The following CHMP3 variants were observed in gnomAD, a reference collection of about 807,000 sequenced individuals.
CHMP3 encodes the protein 25.1 protein.
Under a neutral mutation model 27.4 loss-of-function variants are expected in CHMP3, and 8 were observed. The ratio of observed to expected loss-of-function variants is 0.29; its 90% CI spans 0.17 to 0.53. The LOEUF (loss-of-function observed/expected upper bound fraction) is 0.53, where lower values mean the gene tolerates loss of function less well. CHMP3 is among the 20% of genes least tolerant of loss of function. The probability of loss-of-function intolerance (pLI) is 0.96; values close to 1 mark genes in which losing one functional copy is unlikely to be tolerated. For synonymous variants in CHMP3, 86 were observed against 85.5 expected (o/e 1.01, Z -0.03); for missense variants, 208 against 271.5 (o/e 0.77, Z 1.64).
intron 3 of CHMP3, among the ~76,000 whole-genome samples, chr2:86,513,887 T>TA (rs981407773): frequency 1.8e-4 from 27 of 152,216 alleles, no homozygotes; most frequent in African/African-American, 6.5e-4. Context: ...ACATATGACT[T>TA]AGACTAGAGA....
At chr2:86,515,949 A>G (rs911751438) in intron 3 of CHMP3, among the ~76,000 whole-genome samples, 1 of 151,826 alleles carries the variant, frequency 6.6e-6, no homozygotes, top group African/African-American at 2.4e-5. Flanking sequence ...CGAGGTCAGG[A>G]GATCCAGGCC....
intron 3 of CHMP3, among the ~76,000 whole-genome samples, chr2:86,514,242 C>T (rs1457734733): frequency 6.6e-6 from 1 of 152,170 alleles, no homozygotes; most frequent in Non-Finnish European, 1.5e-5. Flanking sequence ...GGCCTAGTTC[C>T]ACAATTCTGT....
chr2:86,505,663 A>G lies in CHMP3; in HGVS notation c.*141T>C. ...ATAAGAACAATCCCTTTGCGATCCC[A>G]AAACCTGGGCAGAGAATGAAAAGAG... is the stretch of plus-strand genomic sequence containing the variant. On this transcript the variant is annotated 3_prime_UTR_variant, in exon 6 of 6. Transcript: ENST00000263856. 1 of 1,223,118 alleles carries G rather than the reference A, an allele frequency of 8.2e-7. No homozygotes were observed. Among genetic ancestry groups the G allele is most frequent in the Non-Finnish European group, 1.1e-6 (1 of 944,962 alleles). 75.8% of individuals were successfully genotyped at this position (1,223,118 alleles called of 1,614,324 possible). A position where few individuals can be genotyped will look rare whatever the true frequency, so the allele number is the denominator to read the frequency against.
chr2:86,543,504 A>C (rs371083369), intron 1 of CHMP3, among the ~76,000 whole-genome samples: 17 of 152,344 alleles, frequency 1.1e-4, no homozygotes, highest in African/African-American at 4.1e-4. Context: ...CACAAAAAAT[A>C]CTTCCACAAG....
In CHMP3 at chr2:86,536,297, C is replaced by A. The variant is rs566720755; in HGVS notation, c.106+5955G>T. ...ACAGGCGTGAGCCACCACGCCCGGC[C>A]TAAACCTTTCTAATTGTCCATGAAT... On this transcript the variant is annotated intron_variant, in intron 2 of 5. Transcript: ENST00000263856. 3.9e-5 allele frequency among the ~76,000 whole-genome samples: 6 copies of A among 152,232 alleles called. No homozygotes were observed. The East Asian group carries it at 1.2e-3, about 29-fold the overall frequency.
chr2:86,547,984 A>G (rs1676677557), intron 1 of CHMP3, among the ~76,000 whole-genome samples: 1 of 152,176 alleles, frequency 6.6e-6, no homozygotes. Flanking sequence ...TAACACCATT[A>G]AGAGGTTATT....
chr2:86,552,379 CTAA>C (rs1296534034), intron 1 of CHMP3, among the ~76,000 whole-genome samples: 1 of 152,076 alleles, frequency 6.6e-6, no homozygotes, highest in African/African-American at 2.4e-5. Flanking sequence ...ATAGCCCCAG[CTAA>C]TAAGGGACAG....
intron 3 of CHMP3, chr2:86,510,956 T>C (rs1355504051): frequency 1.3e-5 from 2 of 155,354 alleles, no homozygotes. Context: ...CTAGGACAGA[T>C]ACAGTGAATA....
intron 2 of CHMP3, among the ~76,000 whole-genome samples, chr2:86,536,565 TA>T (rs1405230364): frequency 5.3e-5 from 8 of 152,210 alleles, no homozygotes; most frequent in Admixed American, 5.2e-4. Flanking sequence ...AGAAATCTTC[TA>T]AAATCTTACG....
At chr2:86,540,270 A>G (rs1391750958) in intron 2 of CHMP3, among the ~76,000 whole-genome samples, 4 of 152,126 alleles carry the variant, frequency 2.6e-5, no homozygotes, top group Non-Finnish European at 5.9e-5. Flanking sequence ...ACAATTTCAT[A>G]TGATCCTTCC....
chr2:86,549,124 G>GA (rs1469557105), intron 1 of CHMP3, among the ~76,000 whole-genome samples: 1 of 149,834 alleles, frequency 6.7e-6, no homozygotes, highest in Non-Finnish European at 1.5e-5. Context: ...GGGCGGCCGG[G>GA]AAGAGGCGCC....
intron 1 of CHMP3, among the ~76,000 whole-genome samples, chr2:86,549,456 CGGGCAGAGGCGCTCCTCACT>C: frequency 7.8e-6 from 1 of 127,662 alleles, no homozygotes; most frequent in African/African-American, 3.0e-5. Context: ...ATGGGGTGGC[CGGGCAGAGGCGCTCCTCACT>C]TCCCAGACGG....
chr2:86,511,738 A>G (rs952490882), intron 3 of CHMP3: 3 of 152,114 alleles, frequency 2.0e-5, no homozygotes, highest in Admixed American at 6.5e-5. Flanking sequence ...TATACATATT[A>G]TAAGTTGTAT....
chr2:86,508,040 C>T (rs999166978), intron 4 of CHMP3, among the ~76,000 whole-genome samples: 2 of 152,132 alleles, frequency 1.3e-5, no homozygotes, highest in African/African-American at 4.8e-5. Flanking sequence ...ATGCCAACAG[C>T]AGGGTAAAAG....
chr2:86,528,947 C>T (rs1675813044), intron 3 of CHMP3, among the ~76,000 whole-genome samples: 1 of 152,218 alleles, frequency 6.6e-6, no homozygotes. Context: ...CTTACTCCTA[C>T]AACTCAATTC....
rs972324839 is a variant in CHMP3 at position 86,535,113 on chromosome 2, T to G, written c.107-5716A>C. 2.6e-5 allele frequency among the ~76,000 whole-genome samples: 4 copies of G among 152,130 alleles called. No homozygotes were observed. The South Asian group carries it at 8.3e-4, about 32-fold the overall frequency. On this transcript the variant is annotated intron_variant, in intron 2 of 5. Transcript: ENST00000263856. Reference sequence around the variant, plus strand: ...CTCTACAAAAAATATAAAAATTAGCTGGTGCAGTGGCATGCATCTATAGTC... The same window carrying G: ...CTCTACAAAAAATATAAAAATTAGCGGGTGCAGTGGCATGCATCTATAGTC...
At chr2:86,508,776 G>A (rs549427049) in intron 4 of CHMP3, among the ~76,000 whole-genome samples, 5 of 152,110 alleles carry the variant, frequency 3.3e-5, no homozygotes, top group Admixed American at 6.5e-5. Flanking sequence ...CCTCAGATCC[G>A]TTCTTCCCAA....
chr2:86,541,654 GT>G (rs1451491440), intron 2 of CHMP3, among the ~76,000 whole-genome samples: 1 of 152,062 alleles, frequency 6.6e-6, no homozygotes, highest in Non-Finnish European at 1.5e-5. Context: ...TTTTTGTCCA[GT>G]TTTTTTCTCT....
intron 1 of CHMP3, among the ~76,000 whole-genome samples, chr2:86,550,460 G>A (rs1391929133): frequency 6.6e-6 from 1 of 151,840 alleles, no homozygotes; most frequent in African/African-American, 2.4e-5. Context: ...GGGAGAGAGA[G>A]AGGGGAGTTC....
Sources: allele counts gnomAD v4.1 joint callset (sites outside exome capture counted in the v4.1 genomes callset), GRCh38; gene constraint gnomAD v4.1.1; transcripts MANE v1.5; gene names NCBI Gene and HGNC (gene_info 2026-07-23, HGNC 2026-07-21).